OGFOD1: variants seen among roughly 807,000 people sequenced by gnomAD.
OGFOD1 encodes prolyl 3-hydroxylase OGFOD1.
OGFOD1 carries 54 observed loss-of-function variants against 67.7 expected under a neutral mutation model. The observed-to-expected ratio is 0.80, with a 90% CI of 0.64 to 1.00. OGFOD1 has a LOEUF of 1.00. Among genes scored for constraint, OGFOD1 ranks in the 50% least tolerant of loss-of-function variants. OGFOD1 has a pLI of 0.00. For missense variants in OGFOD1, 606 were observed against 646.7 expected (o/e 0.94, Z 0.68); for synonymous variants, 221 against 227.0 (o/e 0.97, Z 0.24).
chr16:56,467,951 A>T lies in OGFOD1; in HGVS notation c.833A>T (p.Asp278Val). The change falls in exon 8 of 13, where the codon GAT (aspartate) becomes GTT (valine). Residue 278 changes from aspartate to valine, a missense_variant. Transcript: ENST00000566157. Reference sequence around the variant, plus strand: ...ATCAACCCTACTTATCTGGACATGGATTACCAAGTTCAAATTCAAGAAGAG... The same window carrying T: ...ATCAACCCTACTTATCTGGACATGGTTTACCAAGTTCAAATTCAAGAAGAG... ...DWINPTYLDM[D>V]YQVQIQEEFE... is the part of the protein sequence containing the mutation. 1 of 1,609,812 alleles carries T rather than the reference A, an allele frequency of 6.2e-7. No homozygotes were observed. The highest frequency in any genetic ancestry group is 8.5e-7 in the Non-Finnish European group (1 of 1,176,112).
In OGFOD1 at chr16:56,454,659, AAAAAG is replaced by A. The variant is rs200857022; in HGVS notation, c.300+1255_300+1259del. 967 of 346,562 alleles carry A rather than the reference AAAAAG, an allele frequency of 2.8e-3. 13 individuals carry two copies. Among genetic ancestry groups the A allele is most frequent in the African/African-American group, 0.019 (887 of 45,706 alleles). 21.5% of individuals were successfully genotyped at this position (346,562 alleles called of 1,614,324 possible). A position where few individuals can be genotyped will look rare whatever the true frequency, so the allele number is the denominator to read the frequency against. ...GTGCTTCAAATTGGGGGGGGAAAAA[AAAAAG>A]AAAGATTAAAAAGATGAAGAATAAT... is the stretch of plus-strand genomic sequence containing the variant. On this transcript the variant is annotated intron_variant, in intron 2 of 12. Coordinates refer to ENST00000566157, the MANE Select transcript of OGFOD1 (RefSeq NM_018233.4).
chr16:56,467,105 T>G, intron 6 of OGFOD1, 60 bp from the exon 7 acceptor site: 1 of 1,608,852 alleles, frequency 6.2e-7, no homozygotes, highest in Non-Finnish European at 8.5e-7. Context: ...GAAATTAATG[T>G]GCATTGGCGG....
chr16:56,466,811 G>A, intron 5 of OGFOD1, 65 bp from the exon 6 acceptor site: 3 of 1,218,928 alleles, frequency 2.5e-6, no homozygotes, highest in Non-Finnish European at 3.6e-6. Context: ...AAATTGTCAA[G>A]AGTAAAATGA....
intron 3 of OGFOD1, among the ~76,000 whole-genome samples, chr16:56,459,264 A>G (rs4429293): frequency 0.25 from 37,791 of 151,448 alleles, 5,344 homozygotes; most frequent in African/African-American, 0.39. Flanking sequence ...CGCTTGAACC[A>G]GGGAGGTGGA....
At position 56,476,807 on chromosome 16, in the gene OGFOD1, T is replaced by G. The variant is rs1963498897; in HGVS notation, c.*602T>G. 6.6e-6 allele frequency: 1 copy of G among 152,336 alleles called. No homozygotes were observed. The highest frequency in any genetic ancestry group is 1.5e-5 in the Non-Finnish European group (1 of 68,118). The allele number at this position is 152,336 out of a possible 1,614,324, so 9.4% of individuals were successfully genotyped here. A position where few individuals can be genotyped will look rare whatever the true frequency, so the allele number is the denominator to read the frequency against. The stretch of plus-strand genomic sequence containing the variant: ...AAAGTCTTTAAGATGCATCCATGTT[T>G]CCAGTGTTTCGGTTTTTTTAGAAAA... On this transcript the variant is annotated 3_prime_UTR_variant, in exon 13 of 13. Transcript: ENST00000566157.
In OGFOD1 at chr16:56,477,355, G is replaced by C. The variant is rs1218186866; in HGVS notation, c.*1150G>C. ...GTATTATTCCCTTGGAAAGGGTCTG[G>C]CCTACCATCACATGCCCCAAGAAAC... On this transcript the variant is annotated 3_prime_UTR_variant, in exon 13 of 13. Transcript: ENST00000566157. 6.6e-6 allele frequency: 1 copy of C among 152,082 alleles called. No homozygotes were observed. The highest frequency in any genetic ancestry group is 2.1e-4 in the South Asian group (1 of 4,834). 9.4% of individuals were successfully genotyped at this position (152,082 alleles called of 1,614,324 possible). A position where few individuals can be genotyped will look rare whatever the true frequency, so the allele number is the denominator to read the frequency against.
intron 1 of OGFOD1, among the ~76,000 whole-genome samples, chr16:56,451,982 C>A (rs1962354141): frequency 6.6e-6 from 1 of 152,092 alleles, no homozygotes. Context: ...GAAATGGAGG[C>A]CGGAGAGTTT....
At chr16:56,475,997 A>C in intron 12 of OGFOD1, 47 bp from the exon 13 acceptor site, 7 of 1,523,594 alleles carry the variant, frequency 4.6e-6, no homozygotes, top group Non-Finnish European at 6.3e-6. Context: ...CCAAGATTTG[A>C]GAATAAGTTC....
At chr16:56,475,791 T>A (rs369903054) in intron 12 of OGFOD1, among the ~76,000 whole-genome samples, 4 of 152,236 alleles carry the variant, frequency 2.6e-5, no homozygotes, top group African/African-American at 9.6e-5. Context: ...TTAAGAGCCA[T>A]GTGGTGCATT....
In OGFOD1 at chr16:56,467,228, T is replaced by C; in HGVS notation, c.721T>C (p.Ser241Pro). Residue 241 changes from serine (S) to proline (P), a missense_variant, in exon 7 of 13, where the codon TCA (serine) becomes CCA (proline). Ser to Pro is a moderately conservative substitution (Grantham distance 74, BLOSUM62 -1). Transcript: ENST00000566157. ...TATAAGTGGCTGGTTTCATGGTCCA[T>C]CATTGACTCGGCCTCCCAACTACTT... ...LSISGWFHGP[S>P]LTRPPNYFEP... 1 of 1,614,116 alleles carries C rather than the reference T, an allele frequency of 6.2e-7. No homozygotes were observed. The highest frequency in any genetic ancestry group is 8.5e-7 in the Non-Finnish European group (1 of 1,180,006).
At chr16:56,454,668 G>A in intron 2 of OGFOD1, 1 of 350,044 alleles carries the variant, frequency 2.9e-6, no homozygotes, top group Non-Finnish European at 5.6e-6. Context: ...AAAAAAGAAA[G>A]ATTAAAAAGA....
chr16:56,474,867 G>A lies in OGFOD1; in HGVS notation c.1325G>A (p.Trp442Ter). 6.2e-7 allele frequency: 1 copy of A among 1,612,876 alleles called. No individual in the cohort carries two copies. Among genetic ancestry groups the A allele is most frequent in the South Asian group, 1.1e-5 (1 of 91,050 alleles). ...VPMCQGELRH[W>*]KTGHYTLIHD... ...ATGTGCCAAGGGGAACTGAGGCATT[G>A]GAAGACCGGTCACTACACTTTAATT... The change falls in exon 11 of 13, where the codon TGG (tryptophan) becomes TAG (stop). Residue 442 changes from tryptophan (W) to a stop codon, truncating the protein, a stop_gained. Transcript: ENST00000566157. LOFTEE classifies it high-confidence loss of function.
intron 3 of OGFOD1, among the ~76,000 whole-genome samples, chr16:56,461,287 C>T (rs1257445799): frequency 6.6e-6 from 1 of 152,162 alleles, no homozygotes; most frequent in African/African-American, 2.4e-5. Flanking sequence ...ATAATGAAGC[C>T]TCCATCAAAA....
intron 6 of OGFOD1, 22 bp from the exon 7 acceptor site, chr16:56,467,143 G>A (rs769053090): frequency 6.2e-7 from 1 of 1,614,010 alleles, no homozygotes; most frequent in Non-Finnish European, 8.5e-7. Flanking sequence ...GTGTTGATGT[G>A]CTACTGGGCT....
rs1425976054 is a variant in OGFOD1, at chr16:56,476,214, G to A, written c.*9G>A. On this transcript the variant is annotated 3_prime_UTR_variant, in exon 13 of 13. Transcript: ENST00000566157. ...TCATCTATTATGAATGACAGCACTGGGCAAAGCTGAACAAAAATGTGACCC... is the reference window on the plus strand; with the variant it reads ...TCATCTATTATGAATGACAGCACTGAGCAAAGCTGAACAAAAATGTGACCC... 3.7e-6 allele frequency: 6 copies of A among 1,603,318 alleles called. No individual in the cohort carries two copies. The highest frequency in any genetic ancestry group is 4.2e-6 in the Non-Finnish European group (5 of 1,177,684).
At chr16:56,467,115 G>A (rs758336932) in intron 6 of OGFOD1, 50 bp from the exon 7 acceptor site, 1 of 1,612,410 alleles carries the variant, frequency 6.2e-7, no homozygotes, top group South Asian at 1.1e-5. Flanking sequence ...TGCATTGGCG[G>A]TAATCCCCCT....
intron 3 of OGFOD1, 63 bp from the exon 4 acceptor site, chr16:56,462,471 A>G: frequency 9.9e-7 from 1 of 1,007,400 alleles, no homozygotes; most frequent in East Asian, 2.4e-5. Flanking sequence ...GCCTAGATCC[A>G]AACAGTTGTG....
At chr16:56,475,764 T>G (rs572801833) in intron 12 of OGFOD1, among the ~76,000 whole-genome samples, 199 bp downstream of exon 12, 1 of 152,310 alleles carries the variant, frequency 6.6e-6, no homozygotes, top group East Asian at 1.9e-4. Context: ...TATTTTACCC[T>G]CCTGAGAAAT....
In OGFOD1 at chr16:56,470,094, C is replaced by T; in HGVS notation, c.980+12C>T. On this transcript the variant is annotated intron_variant, in intron 9 of 12. Transcript: ENST00000566157. The stretch of plus-strand genomic sequence containing the variant: ...CCCCCTAACAAAAGGTAGAACCCGT[C>T]ATCTGAGATATTTGCTTCTACATTC... 1.2e-6 allele frequency: 2 copies of T among 1,610,452 alleles called. No homozygotes were observed. Among genetic ancestry groups the T allele is most frequent in the South Asian group, 1.1e-5 (1 of 90,944 alleles).
Sources: gnomAD v4.1 joint callset for allele counts (sites outside exome capture counted in the v4.1 genomes callset) on GRCh38, gnomAD v4.1.1 for gene constraint, MANE v1.5 for transcripts, NCBI Gene and HGNC (gene_info 2026-07-23, HGNC 2026-07-21) for gene names.